The following RBFOX1 variants were observed in gnomAD, a reference collection of about 807,000 sequenced individuals.
RBFOX1 encodes the protein RNA binding protein fox-1 homolog 1.
RBFOX1 carries 8 observed loss-of-function variants against 57.7 expected under a neutral mutation model. That is an observed-to-expected ratio of 0.14 (90% CI 0.08 to 0.25). RBFOX1 has a LOEUF of 0.25. Ranked by LOEUF, RBFOX1 falls within the 10% of genes least tolerant of loss-of-function variation. RBFOX1 has a pLI of 1.00. For missense variants in RBFOX1, 611 were observed against 548.5 expected, an observed-to-expected ratio of 1.11 and a Z score of -1.14; for synonymous variants, 326 against 222.4, an observed-to-expected ratio of 1.47 and a Z score of -4.15.
chr16:7,336,461 G>A (rs145477318), intron 4 of RBFOX1, among the ~76,000 whole-genome samples: 1 of 152,166 alleles, frequency 6.6e-6, no homozygotes, highest in Admixed American at 6.5e-5. Flanking sequence ...GATGGTTGAT[G>A]GTGTAAATAG....
At chr16:7,353,029 C>A (rs891351830) in intron 4 of RBFOX1, among the ~76,000 whole-genome samples, 1 of 152,108 alleles carries the variant, frequency 6.6e-6, no homozygotes, top group South Asian at 2.1e-4. Context: ...ACCACTTTTC[C>A]ATATGGCTTC....
chr16:7,598,548 T>TA (rs1378475974), intron 9 of RBFOX1, among the ~76,000 whole-genome samples: 1 of 152,192 alleles, frequency 6.6e-6, no homozygotes, highest in Non-Finnish European at 1.5e-5. Flanking sequence ...AAATATATTT[T>TA]AAATAACCCC....
chr16:6,608,896 A>T (rs1037108810), intron 2 of RBFOX1, among the ~76,000 whole-genome samples: 1 of 152,050 alleles, frequency 6.6e-6, no homozygotes, highest in Non-Finnish European at 1.5e-5. Flanking sequence ...TGTAGAGGAG[A>T]TCTTTTTTCT....
chr16:6,504,992 G>A (rs901247868), intron 2 of RBFOX1, among the ~76,000 whole-genome samples: 1 of 152,124 alleles, frequency 6.6e-6, no homozygotes, highest in Admixed American at 6.5e-5. Context: ...AGAATCGCTT[G>A]AACCCAGGAG....
At chr16:7,309,698 T>A (rs2096267723) in intron 4 of RBFOX1, among the ~76,000 whole-genome samples, 1 of 152,180 alleles carries the variant, frequency 6.6e-6, no homozygotes. Flanking sequence ...TTATTCATAT[T>A]GGCCGGGTGA....
chr16:5,655,198 T>C (rs1370373920), intron 3 of RBFOX1, among the ~76,000 whole-genome samples: 2 of 152,232 alleles, frequency 1.3e-5, no homozygotes, highest in Non-Finnish European at 2.9e-5. Flanking sequence ...CACACCATCA[T>C]ATGCAGAATC....
rs73512226 is a variant in RBFOX1, at chr16:5,514,295, C to G, written c.258+47041C>G. ...GCAGTGTGGCTCTGTCGCCATGTCT[C>G]TCATCCTTGTCCTGGGACAGACAGG... is the stretch of plus-strand genomic sequence containing the variant. On this transcript the variant is annotated intron_variant, in intron 2 of 2. Coordinates refer to the RBFOX1 transcript ENST00000585867. Among the ~76,000 whole-genome samples, 838 of 152,326 alleles carry G rather than the reference C, an allele frequency of 5.5e-3. 15 individuals are homozygous for G. The highest frequency in any genetic ancestry group is 0.019 in the African/African-American group (808 of 41,578).
intron 3 of RBFOX1, among the ~76,000 whole-genome samples, chr16:7,004,550 G>C (rs557484154): frequency 8.5e-5 from 13 of 152,168 alleles, no homozygotes; most frequent in Admixed American, 2.6e-4. Flanking sequence ...TCATGGACAC[G>C]TCCTAGCTAT....
chr16:7,627,712 T>C (rs1322601941), intron 10 of RBFOX1, among the ~76,000 whole-genome samples: 1 of 152,130 alleles, frequency 6.6e-6, no homozygotes, highest in East Asian at 1.9e-4. Flanking sequence ...CCCAAAAAAA[T>C]GCATGGAGGT....
chr16:7,457,321 C>A (rs557234318), intron 4 of RBFOX1, among the ~76,000 whole-genome samples: 2 of 152,332 alleles, frequency 1.3e-5, no homozygotes, highest in African/African-American at 4.8e-5. Context: ...GTCCTGGGTG[C>A]TGGGCCTCCT....
intron 2 of RBFOX1, among the ~76,000 whole-genome samples, chr16:5,522,684 C>G (rs1415077668): frequency 2.0e-5 from 3 of 152,204 alleles, no homozygotes; most frequent in Non-Finnish European, 4.4e-5. Context: ...TCTCTCCACT[C>G]CCCCTCACCC....
intron 3 of RBFOX1, among the ~76,000 whole-genome samples, chr16:5,861,680 G>A (rs993199862): frequency 1.3e-5 from 2 of 152,176 alleles, no homozygotes; most frequent in African/African-American, 2.4e-5. Context: ...GACGGTGCCA[G>A]CATTTGGACA....
chr16:6,495,564 C>G (rs1407555311), intron 2 of RBFOX1, among the ~76,000 whole-genome samples: 2 of 152,170 alleles, frequency 1.3e-5, no homozygotes, highest in African/African-American at 4.8e-5. Context: ...ATAAATGAAA[C>G]TGGGTATATA....
At chr16:7,155,291 G>T (rs1227104298) in intron 4 of RBFOX1, among the ~76,000 whole-genome samples, 2 of 151,994 alleles carry the variant, frequency 1.3e-5, no homozygotes, top group African/African-American at 4.8e-5. Flanking sequence ...CTTGAGAAAG[G>T]AATCGAGAGT....
chr16:5,593,562 A>T (rs141862359), intron 2 of RBFOX1, among the ~76,000 whole-genome samples: 133 of 152,312 alleles, frequency 8.7e-4, no homozygotes, highest in African/African-American at 3.0e-3. Context: ...CAAAACCAAG[A>T]TGGTGATGAG....
chr16:6,858,158 T>C (rs1460076561), intron 3 of RBFOX1, among the ~76,000 whole-genome samples: 2 of 152,222 alleles, frequency 1.3e-5, no homozygotes, highest in African/African-American at 4.8e-5. Context: ...TAATTTAATA[T>C]TTGAAGGAAG....
intron 1 of RBFOX1, among the ~76,000 whole-genome samples, chr16:6,260,049 G>A (rs967760467): frequency 4.0e-5 from 6 of 150,672 alleles, no homozygotes; most frequent in East Asian, 1.9e-4. Flanking sequence ...CTTTATCTTC[G>A]TGAGAAATGG....
chr16:6,583,027 G>GC (rs2097559076), intron 2 of RBFOX1, among the ~76,000 whole-genome samples: 1 of 113,908 alleles, frequency 8.8e-6, no homozygotes, highest in Non-Finnish European at 2.1e-5. Context: ...TCTCTTGCTC[G>GC]ATGTCTCTCT....
At chr16:5,641,789 C>G (rs2048884067) in intron 3 of RBFOX1, among the ~76,000 whole-genome samples, 1 of 152,184 alleles carries the variant, frequency 6.6e-6, no homozygotes, top group Non-Finnish European at 1.5e-5. Flanking sequence ...ACCAGTGCAT[C>G]TCAAACTGTA....
Sources: allele counts gnomAD v4.1 joint callset (sites outside exome capture counted in the v4.1 genomes callset), GRCh38; gene constraint gnomAD v4.1.1; transcripts MANE v1.5; gene names NCBI Gene and HGNC (gene_info 2026-07-23, HGNC 2026-07-21).